IQGAP2: variants seen among roughly 807,000 people sequenced by gnomAD.
IQGAP2 encodes the protein IQ motif containing GTPase activating protein 2.
In IQGAP2, 173 loss-of-function variants were observed where a neutral mutation model predicts 201.3. The ratio of observed to expected loss-of-function variants is 0.86; its 90% confidence interval spans 0.76 to 0.98. IQGAP2 has a LOEUF of 0.98. Among genes scored for constraint, IQGAP2 ranks in the 50% least tolerant of loss-of-function variants. The pLI is 0.00. For synonymous variants in IQGAP2, 675 were observed against 673.9 expected (o/e 1.00, Z -0.03); for missense variants, 1,687 against 1,864.8 (o/e 0.90, Z 1.76).
At chr5:76,414,296 A>G (rs1344676713) in intron 1 of IQGAP2, among the ~76,000 whole-genome samples, 1 of 152,010 alleles carries the variant, frequency 6.6e-6, no homozygotes, top group African/African-American at 2.4e-5. Flanking sequence ...AGATAGTCAC[A>G]TAGTCAGCCT....
chr5:76,668,151 G>A (rs575449642), intron 22 of IQGAP2, among the ~76,000 whole-genome samples: 4 of 152,016 alleles, frequency 2.6e-5, no homozygotes, highest in Admixed American at 2.0e-4. Context: ...CCAAAGCGCT[G>A]GAATTATAAG....
chr5:76,564,827 G>A (rs148695952), intron 3 of IQGAP2, among the ~76,000 whole-genome samples: 2 of 152,362 alleles, frequency 1.3e-5, no homozygotes, highest in African/African-American at 4.8e-5. Context: ...CAGAGGTGAT[G>A]CTGGGAGAGG....
At position 76,428,253 on chromosome 5, in the gene IQGAP2, C is replaced by T. The variant is rs570263735; in HGVS notation, c.46+24662C>T. On this transcript the variant is annotated intron_variant, in intron 1 of 35. Transcript: ENST00000274364. ...ACCTTCTTTCCTAGCTCAGTGCTGC[C>T]CTTGTTACCCTGAAGCCTTTGTTGC... 1.0e-3 allele frequency among the ~76,000 whole-genome samples: 153 copies of T among 151,976 alleles called. 1 individual carries two copies. Among genetic ancestry groups the T allele is most frequent in the Admixed American group, 4.7e-3 (72 of 15,268 alleles).
intron 13 of IQGAP2, among the ~76,000 whole-genome samples, chr5:76,623,983 A>G (rs1199771819): frequency 7.5e-6 from 1 of 133,682 alleles, no homozygotes; most frequent in Non-Finnish European, 1.5e-5. Flanking sequence ...GAGCCATTCA[A>G]TAACCCTTAG....
intron 30 of IQGAP2, among the ~76,000 whole-genome samples, chr5:76,687,004 T>G (rs1217206376): frequency 6.6e-6 from 1 of 152,234 alleles, no homozygotes. Context: ...CACACCATAT[T>G]GATCACTGTA....
chr5:76,465,807 A>C (rs1754742407), intron 2 of IQGAP2, among the ~76,000 whole-genome samples: 1 of 152,200 alleles, frequency 6.6e-6, no homozygotes, highest in Non-Finnish European at 1.5e-5. Context: ...AAAACAATAA[A>C]ATTCTTAGGA....
chr5:76,682,816 A>T (rs183999339), intron 28 of IQGAP2, among the ~76,000 whole-genome samples: 9 of 152,286 alleles, frequency 5.9e-5, no homozygotes, highest in Admixed American at 3.9e-4. Flanking sequence ...CCCAACTTTG[A>T]CTTTTTCTAT....
At chr5:76,697,156 C>A (rs1450350787) in intron 32 of IQGAP2, among the ~76,000 whole-genome samples, 1 of 152,148 alleles carries the variant, frequency 6.6e-6, no homozygotes, top group African/African-American at 2.4e-5. Flanking sequence ...TCTAGGAATT[C>A]TATTTAAATC....
intron 2 of IQGAP2, among the ~76,000 whole-genome samples, chr5:76,489,147 C>G (rs1756362947): frequency 6.6e-6 from 1 of 152,152 alleles, no homozygotes; most frequent in Non-Finnish European, 1.5e-5. Context: ...TGGTAGGGTT[C>G]CATGGAACAC....
intron 3 of IQGAP2, among the ~76,000 whole-genome samples, chr5:76,569,376 G>A (rs1310448909): frequency 2.6e-5 from 4 of 151,804 alleles, no homozygotes; most frequent in East Asian, 1.9e-4. Context: ...CCCACTAAAG[G>A]ACATTTCCAT....
At chr5:76,615,515 G>A (rs1394087151) in intron 13 of IQGAP2, 3 of 152,130 alleles carry the variant, frequency 2.0e-5, no homozygotes, top group Non-Finnish European at 4.4e-5. Flanking sequence ...GTTTTGTTGG[G>A]CAGTATGAAA....
chr5:76,683,982 G>T (rs1247531071), intron 30 of IQGAP2, 65 bp downstream of exon 30: 1 of 1,423,742 alleles, frequency 7.0e-7, no homozygotes, highest in Non-Finnish European at 9.6e-7. Flanking sequence ...AAATTCAAAT[G>T]AGGCTAAATC....
chr5:76,670,930 A>G (rs1208560862), intron 23 of IQGAP2, among the ~76,000 whole-genome samples: 65 of 152,226 alleles, frequency 4.3e-4, no homozygotes, highest in Admixed American at 4.3e-3. Flanking sequence ...TGAGGCTGTG[A>G]CTTTATTTTC....
In IQGAP2 at chr5:76,588,920, A is replaced by G. The variant is rs754137958; in HGVS notation, c.473A>G (p.Lys158Arg). The change falls in exon 6 of 36, where the codon AAA becomes AGA. Residue 158 changes from lysine (K) to arginine (R), a missense_variant. By Grantham distance (26) the Lys-to-Arg change is conservative. Coordinates refer to ENST00000274364, the MANE Select transcript of IQGAP2 (RefSeq NM_006633.5). ...TTTTCTTTCAGTTTGTATCTGTTCA[A>G]ACTAGGAATAGCACCCCAGATCCAG... ...CIHALSLYLF[K>R]LGIAPQIQDL... 1.2e-6 allele frequency: 2 copies of G among 1,606,210 alleles called. No homozygotes were observed. The highest frequency in any genetic ancestry group is 2.2e-5 in the South Asian group (2 of 90,724).
At chr5:76,477,668 G>A (rs1322417158) in intron 2 of IQGAP2, among the ~76,000 whole-genome samples, 1 of 152,076 alleles carries the variant, frequency 6.6e-6, no homozygotes, top group Admixed American at 6.6e-5. Flanking sequence ...AAAATAAAAA[G>A]CAAATTGTAA....
intron 4 of IQGAP2, among the ~76,000 whole-genome samples, chr5:76,572,032 T>C (rs910180882): frequency 6.6e-6 from 1 of 152,176 alleles, no homozygotes; most frequent in African/African-American, 2.4e-5. Flanking sequence ...CCCCCAGCCC[T>C]GTTCCCTGGC....
chr5:76,609,654 C>G (rs1340489501), intron 12 of IQGAP2, among the ~76,000 whole-genome samples: 1 of 151,676 alleles, frequency 6.6e-6, no homozygotes, highest in African/African-American at 2.4e-5. Context: ...TGTGAAGTGA[C>G]GGGTGATCAT....
intron 2 of IQGAP2, among the ~76,000 whole-genome samples, chr5:76,542,794 C>A (rs1742860189): frequency 6.6e-6 from 1 of 152,198 alleles, no homozygotes; most frequent in South Asian, 2.1e-4. Flanking sequence ...ACCCTTTTAG[C>A]TCTGCCACAT....
At chr5:76,551,686 C>T (rs1743544495) in intron 2 of IQGAP2, among the ~76,000 whole-genome samples, 1 of 152,090 alleles carries the variant, frequency 6.6e-6, no homozygotes. Flanking sequence ...AACCCCGTCT[C>T]CACCAAAAAA....
Sources: gnomAD v4.1 joint callset for allele counts (sites outside exome capture counted in the v4.1 genomes callset) on GRCh38, gnomAD v4.1.1 for gene constraint, MANE v1.5 for transcripts, NCBI Gene and HGNC (gene_info 2026-07-23, HGNC 2026-07-21) for gene names.